TDRD3: variants seen among roughly 807,000 people sequenced by gnomAD.
TDRD3 encodes the protein tudor domain-containing protein 3.
Under a neutral mutation model 86.7 loss-of-function variants are expected in TDRD3, and 45 were observed. The observed-to-expected ratio is 0.52, with a 90% CI of 0.41 to 0.67. The LOEUF is 0.67. Ranked by LOEUF, TDRD3 falls within the 30% of genes least tolerant of loss-of-function variation. The probability of loss-of-function intolerance (pLI) is 0.00; values close to 1 mark genes in which losing one functional copy is unlikely to be tolerated. For synonymous variants in TDRD3, 298 were observed against 301.7 expected, an observed-to-expected ratio of 0.99 and a Z score of 0.13; for missense variants, 814 against 889.0, an observed-to-expected ratio of 0.92 and a Z score of 1.07.
chr13:60,411,760 G>T (rs958092973), intron 1 of TDRD3, among the ~76,000 whole-genome samples: 2 of 152,076 alleles, frequency 1.3e-5, no homozygotes, highest in African/African-American at 4.8e-5. Context: ...GATATCACCT[G>T]GTAGCTTGTT....
chr13:60,397,098 C>G (rs1594881366), upstream of TDRD3: 22 of 358,160 alleles, frequency 6.1e-5, no homozygotes, highest in East Asian at 8.9e-4. Context: ...CTCCAGCCAC[C>G]AGCCGGTGTT....
chr13:60,476,220 G>A (rs1264682299), intron 5 of TDRD3, among the ~76,000 whole-genome samples: 2 of 152,172 alleles, frequency 1.3e-5, no homozygotes, highest in African/African-American at 4.8e-5. Context: ...GTTTGCGTAT[G>A]ATGACTGGAA....
intron 11 of TDRD3, among the ~76,000 whole-genome samples, chr13:60,532,476 A>C (rs1957606199): frequency 6.6e-6 from 1 of 152,216 alleles, no homozygotes; most frequent in African/African-American, 2.4e-5. Flanking sequence ...ATGTCTTGTC[A>C]AGAATGGACA....
Position 60,510,718 on chromosome 13 carries a change from T to G in TDRD3, c.1104T>G (p.Asp368Glu), listed in dbSNP as rs1375770037. 6.3e-7 allele frequency: 1 copy of G among 1,591,250 alleles called. No individual in the cohort carries two copies. The highest frequency in any genetic ancestry group is 2.3e-5 in the East Asian group (1 of 44,038). The change falls in exon 10 of 14, where the codon GAT becomes GAG. Residue 368 changes from aspartate (D) to glutamate (E), a missense_variant. Physicochemically the swap from Asp to Glu is conservative, Grantham distance 45 (BLOSUM62 2). Transcript: ENST00000377881. ...ARPSAPSTLF[D>E]FLESKMGTLN... The stretch of plus-strand genomic sequence containing the variant: ...CATCAGCACCAAGCACATTATTTGA[T>G]TTCTTGGAATCTAAAATGGGAACTT...
chr13:60,418,965 A>T (rs1954590226), intron 1 of TDRD3, among the ~76,000 whole-genome samples: 1 of 152,126 alleles, frequency 6.6e-6, no homozygotes, highest in Non-Finnish European at 1.5e-5. Context: ...TCTCCTTTTG[A>T]TAGACAATAA....
At chr13:60,421,240 G>T (rs1176256003) in intron 1 of TDRD3, among the ~76,000 whole-genome samples, 4 of 152,082 alleles carry the variant, frequency 2.6e-5, no homozygotes, top group African/African-American at 9.7e-5. Context: ...TGGCTCAGGA[G>T]GCCCCACAAT....
chr13:60,490,396 A>T (rs1042274150), intron 7 of TDRD3, among the ~76,000 whole-genome samples: 1 of 152,222 alleles, frequency 6.6e-6, no homozygotes, highest in Non-Finnish European at 1.5e-5. Flanking sequence ...AAGCAGGAGC[A>T]CAGAGAAACA....
intron 2 of TDRD3, among the ~76,000 whole-genome samples, chr13:60,441,514 T>C (rs540413502): frequency 6.6e-6 from 1 of 152,294 alleles, no homozygotes; most frequent in South Asian, 2.1e-4. Context: ...TTGATTAGGG[T>C]GAAGCCTATA....
At chr13:60,452,223 A>G (rs1394991411) in intron 3 of TDRD3, among the ~76,000 whole-genome samples, 2 of 152,148 alleles carry the variant, frequency 1.3e-5, no homozygotes, top group African/African-American at 2.4e-5. Context: ...TTGGAAGTAT[A>G]TGGGCTGTGC....
At chr13:60,397,453 GC>G (rs1431298278) in intron 1 of TDRD3, 48 bp downstream of exon 1, 10 of 1,457,782 alleles carry the variant, frequency 6.9e-6, no homozygotes, top group Non-Finnish European at 9.0e-6. Flanking sequence ...GCGGGCCGGG[GC>G]CCCAGGGAGG....
chr13:60,543,210 T>G (rs1484715957), intron 12 of TDRD3, among the ~76,000 whole-genome samples: 1 of 152,192 alleles, frequency 6.6e-6, no homozygotes, highest in Non-Finnish European at 1.5e-5. Flanking sequence ...ATGAAGAGGT[T>G]CTAGTAAACA....
At chr13:60,431,677 G>A (rs1482571168) in intron 1 of TDRD3, among the ~76,000 whole-genome samples, 4 of 109,094 alleles carry the variant, frequency 3.7e-5, no homozygotes, top group South Asian at 6.2e-4. Flanking sequence ...TCACCAGCCT[G>A]AGCAACAAAG....
At chr13:60,520,447 T>G (rs1201513249) in intron 10 of TDRD3, among the ~76,000 whole-genome samples, 9 of 152,186 alleles carry the variant, frequency 5.9e-5, no homozygotes, top group African/African-American at 1.9e-4. Context: ...TCTCTCCTCT[T>G]GGACGACTCT....
chr13:60,434,604 G>C (rs987266879), intron 1 of TDRD3, among the ~76,000 whole-genome samples: 1 of 151,962 alleles, frequency 6.6e-6, no homozygotes, highest in Non-Finnish European at 1.5e-5. Context: ...TGCCCTGCTT[G>C]TCAGTAAAAT....
intron 1 of TDRD3, among the ~76,000 whole-genome samples, chr13:60,410,324 C>G (rs1313203830): frequency 4.6e-5 from 7 of 152,174 alleles, no homozygotes; most frequent in Non-Finnish European, 1.0e-4. Flanking sequence ...ATCTAGGTAT[C>G]TTGCAGTCTA....
intron 12 of TDRD3, among the ~76,000 whole-genome samples, chr13:60,556,995 G>A (rs1331271849): frequency 2.6e-5 from 4 of 151,824 alleles, no homozygotes; most frequent in South Asian, 2.1e-4. Context: ...ACCTGAGGTC[G>A]GGAGTTCGAT....
At position 60,486,366 on chromosome 13, in the gene TDRD3, G is replaced by A. The variant is rs773956682; in HGVS notation, c.717+418G>A. On this transcript the variant is annotated intron_variant, in intron 7 of 13. Transcript: ENST00000377881. Reference sequence around the variant, plus strand: ...TTCTGAGAGATGAATAAAAATCAGCGGATCTGTCACTGTGTCAGGATTAAC... The same window carrying A: ...TTCTGAGAGATGAATAAAAATCAGCAGATCTGTCACTGTGTCAGGATTAAC... Among the ~76,000 whole-genome samples, 6 of 152,070 alleles carry A rather than the reference G, an allele frequency of 3.9e-5. No individual in the cohort carries two copies. In the East Asian group the frequency reaches 5.8e-4, roughly 15 times the overall value.
intron 12 of TDRD3, among the ~76,000 whole-genome samples, chr13:60,561,599 A>G (rs576983016): frequency 6.6e-6 from 1 of 152,344 alleles, no homozygotes; most frequent in African/African-American, 2.4e-5. Context: ...CTCAAAATAA[A>G]TAATAAAAAA....
chr13:60,440,687 A>C (rs1227085724), intron 2 of TDRD3, among the ~76,000 whole-genome samples: 1 of 152,170 alleles, frequency 6.6e-6, no homozygotes, highest in Non-Finnish European at 1.5e-5. Context: ...TCTCAAAAAA[A>C]AAAGTAAGTA....
Sources: gnomAD v4.1 joint callset for allele counts (sites outside exome capture counted in the v4.1 genomes callset) on GRCh38, gnomAD v4.1.1 for gene constraint, MANE v1.5 for transcripts, NCBI Gene and HGNC (gene_info 2026-07-23, HGNC 2026-07-21) for gene names.